The following TTC6 variants were observed in gnomAD, a reference collection of about 807,000 sequenced individuals.
TTC6 encodes the protein tetratricopeptide repeat protein 6.
In TTC6, 172 loss-of-function variants were observed where a neutral mutation model predicts 210.4. The observed-to-expected ratio is 0.82, with a 90% CI of 0.72 to 0.93. The LOEUF is 0.93. Among genes scored for constraint, TTC6 ranks in the 40% least tolerant of loss-of-function variants. TTC6 has a pLI of 0.00. For synonymous variants in TTC6, 804 were observed against 819.6 expected (o/e 0.98, Z 0.32); for missense variants, 2,414 against 2,318.1 (o/e 1.04, Z -0.85).
chr14:37,767,484 T>C (rs1176964144), intron 14 of TTC6, among the ~76,000 whole-genome samples: 2 of 152,224 alleles, frequency 1.3e-5, no homozygotes, highest in Non-Finnish European at 2.9e-5. Context: ...TTTTTAATGA[T>C]TGCCATTCTA....
Position 37,744,439 on chromosome 14 carries a change from G to C in TTC6, c.2364-4500G>C, listed in dbSNP as rs149268713. 7.2e-5 allele frequency among the ~76,000 whole-genome samples: 11 copies of C among 152,306 alleles called. No individual in the cohort carries two copies. In the East Asian group the frequency reaches 2.1e-3, roughly 29 times the overall value. On this transcript the variant is annotated intron_variant, in intron 10 of 30. Coordinates refer to ENST00000553443, the Ensembl canonical transcript of TTC6. ...GGTAGTGATATTTGAGCGTAGAACT[G>C]AATGGAATGAGGGAGTGAGGTGTTT...
At chr14:37,828,055 A>T (rs555447419) in intron 29 of TTC6, among the ~76,000 whole-genome samples, 2 of 152,114 alleles carry the variant, frequency 1.3e-5, no homozygotes, top group Admixed American at 1.3e-4. Context: ...ACCTTAATTT[A>T]TACTTTTTCC....
chr14:37,803,429 C>T (rs1026043144), intron 20 of TTC6, among the ~76,000 whole-genome samples: 1 of 152,182 alleles, frequency 6.6e-6, no homozygotes, highest in Non-Finnish European at 1.5e-5. Flanking sequence ...ATAAAGATGA[C>T]TTATCTGTAA....
At chr14:37,777,881 G>A (rs956903151) in intron 14 of TTC6, among the ~76,000 whole-genome samples, 6 of 151,782 alleles carry the variant, frequency 4.0e-5, no homozygotes, top group African/African-American at 1.2e-4. Context: ...GATTACAGGG[G>A]CCTAAGTCTT....
chr14:37,797,159 G>A (rs1180831002), intron 20 of TTC6, among the ~76,000 whole-genome samples: 1 of 151,986 alleles, frequency 6.6e-6, no homozygotes, highest in African/African-American at 2.4e-5. Flanking sequence ...TCAGCATGTG[G>A]AGTAGTTTTC....
intron 1 of TTC6, among the ~76,000 whole-genome samples, chr14:37,668,464 C>T (rs1043717659): frequency 6.6e-6 from 1 of 150,392 alleles, no homozygotes; most frequent in Non-Finnish European, 1.5e-5. Context: ...GACCTCCATG[C>T]AATTTTATCC....
chr14:37,735,867 G>T, intron 7 of TTC6, 54 bp from the exon 10 acceptor site: 1 of 1,097,768 alleles, frequency 9.1e-7, no homozygotes, highest in South Asian at 1.5e-5. Context: ...GTCATCATAG[G>T]CTTTTAAAAA....
intron 7 of TTC6, among the ~76,000 whole-genome samples, chr14:37,733,654 G>A (rs1229085314): frequency 6.6e-6 from 1 of 151,948 alleles, no homozygotes; most frequent in Non-Finnish European, 1.5e-5. Flanking sequence ...TTTTTCATTT[G>A]CATTTCCTAT....
rs2095787243 is a variant in TTC6 at position 37,682,976 on chromosome 14, T to C, written c.1257+12T>C. 3 of 1,533,298 alleles carry C rather than the reference T, an allele frequency of 2.0e-6. No individual in the cohort carries two copies. In the East Asian group the frequency reaches 7.3e-5, roughly 38 times the overall value. The allele number at this position is 1,533,298 out of a possible 1,614,324, so 95.0% of individuals were successfully genotyped here. A position where few individuals can be genotyped will look rare whatever the true frequency, so the allele number is the denominator to read the frequency against. On this transcript the variant is annotated intron_variant, in intron 3 of 30. Transcript: ENST00000553443. ...GGGTGTCTTTAACGGTAAGAAACTA[T>C]TTATGTTGGAAACACCTAAGAGTTA...
At position 37,598,940 on chromosome 14, in the gene TTC6, C is replaced by G. The variant is rs1420196313; in HGVS notation, c.-235+2932C>G. 7.3e-6 allele frequency among the ~76,000 whole-genome samples: 1 copy of G among 137,262 alleles called. No homozygotes were observed. The highest frequency in any genetic ancestry group is 1.6e-5 in the Non-Finnish European group (1 of 63,372). 90.0% of individuals were successfully genotyped at this position (137,262 alleles called of 152,430 possible). The stretch of plus-strand genomic sequence containing the variant: ...AGTTCCTCCGCGGGCCCCCACCCCC[C>G]ACCCAGATAAGAAGCTTAAGTCCTC... On this transcript the variant is annotated intron_variant, in intron 1 of 2. Coordinates refer to the TTC6 transcript ENST00000556845. The surrounding 1 kb of genome is among the most constrained non-coding windows in gnomAD (Gnocchi z 4.9).
intron 5 of TTC6, among the ~76,000 whole-genome samples, chr14:37,702,921 G>A (rs1280325004): frequency 1.3e-5 from 2 of 151,916 alleles, no homozygotes; most frequent in African/African-American, 4.8e-5. Context: ...AAATTTTTAG[G>A]ATTTGTCAGT....
At chr14:37,675,352 A>C (rs1283018826) in intron 1 of TTC6, among the ~76,000 whole-genome samples, 3 of 152,066 alleles carry the variant, frequency 2.0e-5, no homozygotes, top group Non-Finnish European at 2.9e-5. Flanking sequence ...AGCTTCTTTC[A>C]ATTAGTGTAA....
At chr14:37,677,404 C>T (rs1314986644) in intron 1 of TTC6, among the ~76,000 whole-genome samples, 1 of 151,952 alleles carries the variant, frequency 6.6e-6, no homozygotes, top group Non-Finnish European at 1.5e-5. Flanking sequence ...TACCCTACAA[C>T]TTTAGTGAAT....
chr14:37,639,872 T>G (rs1595048605), intron 1 of TTC6, among the ~76,000 whole-genome samples: 1 of 143,090 alleles, frequency 7.0e-6, no homozygotes, highest in Admixed American at 7.2e-5. Context: ...GGTGACAGAG[T>G]GAGACCCTGT....
chr14:37,804,729 A>T, exon 21 of TTC6: 2 of 1,614,188 alleles, frequency 1.2e-6, no homozygotes, highest in Non-Finnish European at 1.7e-6. Context: ...TCTCATTCTG[A>T]TAAAGGACCA....
At chr14:37,738,412 C>T (rs923196880) in intron 9 of TTC6, among the ~76,000 whole-genome samples, 8 of 102,246 alleles carry the variant, frequency 7.8e-5, no homozygotes, top group African/African-American at 2.3e-4. Context: ...ACAGCTTTTG[C>T]CCCTTCTACC....
intron 14 of TTC6, among the ~76,000 whole-genome samples, chr14:37,753,872 T>G (rs1330103125): frequency 2.0e-5 from 3 of 152,112 alleles, no homozygotes; most frequent in Non-Finnish European, 2.9e-5. Flanking sequence ...ACAGTTTTCA[T>G]TTGTACATAG....
intron 3 of TTC6, among the ~76,000 whole-genome samples, chr14:37,687,961 C>G (rs1481660585): frequency 6.6e-6 from 1 of 152,084 alleles, no homozygotes; most frequent in Admixed American, 6.6e-5. Flanking sequence ...ACCAGCTTGG[C>G]TATAGGGGAG....
intron 1 of TTC6, among the ~76,000 whole-genome samples, chr14:37,655,654 A>G (rs1335274405): frequency 6.6e-6 from 1 of 152,176 alleles, no homozygotes; most frequent in African/African-American, 2.4e-5. Context: ...GCATGAAAGG[A>G]CCCCAAATAA....
Sources: allele counts gnomAD v4.1 joint callset (sites outside exome capture counted in the v4.1 genomes callset), GRCh38; gene constraint gnomAD v4.1.1; non-coding constraint Gnocchi (gnomAD v3.1); transcripts MANE v1.5; gene names NCBI Gene and HGNC (gene_info 2026-07-23, HGNC 2026-07-21).